LRFN5: variants seen among roughly 807,000 people sequenced by gnomAD.
LRFN5 encodes leucine-rich repeat and fibronectin type-III domain-containing protein 5.
A neutral mutation model predicts 45.6 loss-of-function variants in LRFN5; 24 were observed. That is an observed-to-expected ratio of 0.53 (90% CI 0.38 to 0.74). The LOEUF (loss-of-function observed/expected upper bound fraction) is 0.74. Ranked by LOEUF, LRFN5 falls within the 30% of genes least tolerant of loss-of-function variation. The probability of loss-of-function intolerance (pLI) is 0.00; values close to 1 mark genes in which losing one functional copy is unlikely to be tolerated. For synonymous variants in LRFN5, 340 were observed against 313.8 expected (o/e 1.08, Z -0.88); for missense variants, 776 against 861.5 (o/e 0.90, Z 1.24).
chr14:41,891,713 T>G lies in LRFN5; in HGVS notation c.1849T>G (p.Cys617Gly), dbSNP rs1249221655. Reference protein sequence around the residue: ...SDNVIQSSETCSSQDSSTTTS... With the variant: ...SDNVIQSSETGSSQDSSTTTS... ...CAATGTGATTCAATCTTCAGAAACT[T>G]GTTCGAGTCAGGACTCCTCTACCAC... The change falls in exon 4 of 6, where the codon TGT becomes GGT. Residue 617 changes from cysteine (C) to glycine (G), a missense_variant. By Grantham distance (159) the Cys-to-Gly change is radical (BLOSUM62 -3). Coordinates refer to ENST00000298119, the MANE Select transcript of LRFN5 (RefSeq NM_152447.5). The G allele has an allele frequency of 2.5e-6, 4 of 1,614,194 alleles. No homozygotes were observed. The highest frequency in any genetic ancestry group is 3.4e-6 in the Non-Finnish European group (4 of 1,180,036).
intron 3 of LRFN5, among the ~76,000 whole-genome samples, chr14:41,890,344 A>G (rs1890733021): frequency 6.6e-6 from 1 of 152,174 alleles, no homozygotes; most frequent in Non-Finnish European, 1.5e-5. Flanking sequence ...CATTATCCTC[A>G]TGTATAGATA....
At chr14:41,826,025 A>G (rs1030070295) in intron 2 of LRFN5, among the ~76,000 whole-genome samples, 1 of 152,128 alleles carries the variant, frequency 6.6e-6, no homozygotes, top group Non-Finnish European at 1.5e-5. Context: ...CCAGCATTCT[A>G]CTTTCAACAT....
Position 41,886,653 on chromosome 14 carries a change from C to T in LRFN5, c.28C>T (p.Leu10Phe), listed in dbSNP as rs1296716969. Reference sequence around the variant, plus strand: ...GGAAAAAATTCTTTTTTATCTGTTTCTCATTGGCATAGCAGTGAAAGCTCA... The same window carrying T: ...GGAAAAAATTCTTTTTTATCTGTTTTTCATTGGCATAGCAGTGAAAGCTCA... MEKILFYLF[L>F]IGIAVKAQIC... Residue 10 changes from leucine (L) to phenylalanine (F), a missense_variant, in exon 3 of 6, where the codon CTC becomes TTC. Around this residue, in one of 2 missense-constraint regions of LRFN5, gnomAD observed 311 missense variants for 405.1 expected, o/e 0.77. Transcript: ENST00000298119. 6.3e-7 allele frequency: 1 copy of T among 1,588,982 alleles called. No individual in the cohort carries two copies. Among genetic ancestry groups the T allele is most frequent in the Admixed American group, 1.9e-5 (1 of 52,906 alleles).
intron 1 of LRFN5, among the ~76,000 whole-genome samples, chr14:41,645,086 T>A (rs1330184070): frequency 6.6e-6 from 1 of 152,236 alleles, no homozygotes; most frequent in East Asian, 1.9e-4. Context: ...GCGTCTTTTA[T>A]GCTTCAATTC....
chr14:41,817,867 C>A (rs1197642949), intron 2 of LRFN5, among the ~76,000 whole-genome samples: 1 of 152,104 alleles, frequency 6.6e-6, no homozygotes, highest in Non-Finnish European at 1.5e-5. Flanking sequence ...TCAGTCATAA[C>A]TGAGGTTTTC....
rs145086931 is a variant in LRFN5 at position 41,823,744 on chromosome 14, A to C, written c.-21+56715A>C. ...TATTCCCTCAAATAGGAAATATTTGAGGAAAATCTCAAATAGGTTTTCCAG... is the reference window on the plus strand; with the variant it reads ...TATTCCCTCAAATAGGAAATATTTGCGGAAAATCTCAAATAGGTTTTCCAG... On this transcript the variant is annotated intron_variant, in intron 2 of 5. Coordinates refer to ENST00000298119, the MANE Select transcript of LRFN5 (RefSeq NM_152447.5). 6.6e-5 allele frequency among the ~76,000 whole-genome samples: 10 copies of C among 152,280 alleles called. No homozygotes were observed. In the East Asian group the frequency reaches 1.7e-3, roughly 26 times the overall value.
At chr14:41,703,712 T>A (rs896783365) in intron 1 of LRFN5, among the ~76,000 whole-genome samples, 2 of 152,140 alleles carry the variant, frequency 1.3e-5, no homozygotes, top group African/African-American at 4.8e-5. Flanking sequence ...GATTTGATGA[T>A]CATTTCATGG....
chr14:41,622,538 T>C (rs1298660902), intron 1 of LRFN5, among the ~76,000 whole-genome samples: 2 of 152,120 alleles, frequency 1.3e-5, no homozygotes, highest in Non-Finnish European at 2.9e-5. Flanking sequence ...TCTATTAATA[T>C]GCATACTATA....
chr14:41,872,883 T>C (rs1890065129), intron 2 of LRFN5, among the ~76,000 whole-genome samples: 1 of 152,236 alleles, frequency 6.6e-6, no homozygotes, highest in Non-Finnish European at 1.5e-5. Context: ...GGCACATATG[T>C]GTGCACACAG....
chr14:41,809,834 A>G (rs988729753), intron 2 of LRFN5, among the ~76,000 whole-genome samples: 7 of 151,924 alleles, frequency 4.6e-5, no homozygotes, highest in African/African-American at 1.7e-4. Flanking sequence ...ATCTAAAAAT[A>G]CTGTACACTC....
chr14:41,867,747 T>C (rs1296854177), intron 2 of LRFN5, among the ~76,000 whole-genome samples: 1 of 152,136 alleles, frequency 6.6e-6, no homozygotes, highest in African/African-American at 2.4e-5. Context: ...TCAGACTTTT[T>C]ATTTTTTGTC....
At chr14:41,754,065 T>C (rs181560638) in intron 1 of LRFN5, among the ~76,000 whole-genome samples, 107 of 152,308 alleles carry the variant, frequency 7.0e-4, no homozygotes, top group Admixed American at 1.6e-3. Flanking sequence ...CTGGATTATG[T>C]TTATTGATTT....
At chr14:41,803,540 A>T (rs1887414321) in intron 2 of LRFN5, among the ~76,000 whole-genome samples, 1 of 151,634 alleles carries the variant, frequency 6.6e-6, no homozygotes, top group South Asian at 2.1e-4. Flanking sequence ...AATTTTGTTG[A>T]GGTGGGTCCT....
At chr14:41,797,075 CA>C (rs1887159104) in intron 2 of LRFN5, among the ~76,000 whole-genome samples, 1 of 151,564 alleles carries the variant, frequency 6.6e-6, no homozygotes, top group Non-Finnish European at 1.5e-5. Flanking sequence ...TTTAATCTAC[CA>C]AATCTTAAAT....
chr14:41,618,682 A>C (rs931673144), intron 1 of LRFN5, among the ~76,000 whole-genome samples: 2 of 152,182 alleles, frequency 1.3e-5, no homozygotes, highest in African/African-American at 4.8e-5. Context: ...TAAGCCACAA[A>C]ATTATGTAAT....
intron 1 of LRFN5, among the ~76,000 whole-genome samples, chr14:41,626,579 CA>C (rs1162253232): frequency 6.6e-6 from 1 of 151,932 alleles, no homozygotes; most frequent in Non-Finnish European, 1.5e-5. Flanking sequence ...AAGGATATGT[CA>C]TTTGGGGGCT....
chr14:41,704,714 C>T (rs1882993622), intron 1 of LRFN5, among the ~76,000 whole-genome samples: 1 of 151,838 alleles, frequency 6.6e-6, no homozygotes, highest in Admixed American at 6.6e-5. Context: ...TGTTTCTTAG[C>T]TTTGTGTTTT....
chr14:41,883,391 C>G (rs927316875), intron 2 of LRFN5, among the ~76,000 whole-genome samples: 5 of 152,016 alleles, frequency 3.3e-5, no homozygotes, highest in Non-Finnish European at 5.9e-5. Flanking sequence ...ACAGATGTAT[C>G]ATTTCTGTTG....
At chr14:41,750,708 T>C (rs1885094866) in intron 1 of LRFN5, among the ~76,000 whole-genome samples, 1 of 151,884 alleles carries the variant, frequency 6.6e-6, no homozygotes, top group Non-Finnish European at 1.5e-5. Context: ...ATTGACAGAG[T>C]TTTGCATTGC....
Sources: allele counts gnomAD v4.1 joint callset (sites outside exome capture counted in the v4.1 genomes callset), GRCh38; gene constraint gnomAD v4.1.1; regional missense constraint gnomAD v4.1.1; transcripts MANE v1.5; gene names NCBI Gene and HGNC (gene_info 2026-07-23, HGNC 2026-07-21).